Variants in ALMS1 observed in about 807,000 individuals in gnomAD.
ALMS1 encodes the protein centrosome-associated protein ALMS1.
A neutral mutation model predicts 352.2 loss-of-function variants in ALMS1; 271 were observed. That is an observed-to-expected ratio of 0.77 (90% confidence interval 0.70 to 0.85). ALMS1 has a LOEUF of 0.85. Among genes scored for constraint, ALMS1 ranks in the 40% least tolerant of loss-of-function variants. ALMS1 has a pLI of 0.00. For synonymous variants in ALMS1, 1,865 were observed against 1,761.2 expected (o/e 1.06, Z -1.48); for missense variants, 5,445 against 4,870.7 (o/e 1.12, Z -3.51).
At chr2:73,399,345 T>G (rs1396223294) in intron 1 of ALMS1, among the ~76,000 whole-genome samples, 1 of 152,054 alleles carries the variant, frequency 6.6e-6, no homozygotes, top group Non-Finnish European at 1.5e-5. Context: ...TGAGGCTGGG[T>G]AAGTTACAAT....
intron 1 of ALMS1, 114 bp downstream of exon 1, chr2:73,386,306 C>G (rs1318006410): frequency 7.3e-7 from 1 of 1,376,178 alleles, no homozygotes; most frequent in Non-Finnish European, 9.5e-7. Flanking sequence ...ACGCGCGCAG[C>G]TGAGGCTAGT....
intron 4 of ALMS1, among the ~76,000 whole-genome samples, chr2:73,423,221 A>G (rs995936506): frequency 2.6e-5 from 4 of 152,200 alleles, no homozygotes; most frequent in Non-Finnish European, 5.9e-5. Context: ...CAGGCATTTC[A>G]GGCATATTTT....
intron 4 of ALMS1, among the ~76,000 whole-genome samples, chr2:73,423,417 G>A (rs1671320319): frequency 6.6e-6 from 1 of 152,102 alleles, no homozygotes; most frequent in East Asian, 1.9e-4. Context: ...CCTTATAGGA[G>A]GTGTCAATAT....
At chr2:73,430,117 C>G (rs894472737) in intron 6 of ALMS1, among the ~76,000 whole-genome samples, 1 of 149,308 alleles carries the variant, frequency 6.7e-6, no homozygotes, top group African/African-American at 2.5e-5. Flanking sequence ...CCCACTGTTG[C>G]CCAGGCTGGA....
At chr2:73,602,539 C>T (rs1573055891) in intron 20 of ALMS1, among the ~76,000 whole-genome samples, 171 bp downstream of exon 20, 1 of 152,304 alleles carries the variant, frequency 6.6e-6, no homozygotes, top group Middle Eastern at 3.4e-3. Context: ...CCAACTTAGC[C>T]GTCAGCACAT....
Position 73,451,785 on chromosome 2 carries a change from C to T in ALMS1, c.5258C>T (p.Thr1753Ile), listed in dbSNP as rs954287768. 6.2e-7 allele frequency: 1 copy of T among 1,613,626 alleles called. No individual in the cohort carries two copies. Among genetic ancestry groups the T allele is most frequent in the African/African-American group, 1.3e-5 (1 of 74,768 alleles). The change falls in exon 8 of 23, where the codon ACT (threonine) becomes ATT (isoleucine). Residue 1753 changes from threonine to isoleucine, a missense_variant. By Grantham distance (89) the Thr-to-Ile change is moderately conservative. Coordinates refer to ENST00000613296, the MANE Select transcript of ALMS1 (RefSeq NM_001378454.1). ...GCTGACCAGAAGACTGGGTTATCTACTGTAACTTCCTCTTTCTATTCACAT... is the reference window on the plus strand; with the variant it reads ...GCTGACCAGAAGACTGGGTTATCTATTGTAACTTCCTCTTTCTATTCACAT... Reference protein sequence around the residue: ...QPADQKTGLSTVTSSFYSHTE... With the variant: ...QPADQKTGLSIVTSSFYSHTE...
intron 9 of ALMS1, among the ~76,000 whole-genome samples, chr2:73,484,967 C>T (rs968372505): frequency 6.6e-5 from 10 of 152,046 alleles, no homozygotes; most frequent in East Asian, 3.9e-4. Flanking sequence ...ATTCTAGTTA[C>T]ACATTCTTCT....
intron 15 of ALMS1, among the ~76,000 whole-genome samples, chr2:73,571,412 T>A (rs1674923849): frequency 6.6e-6 from 1 of 152,170 alleles, no homozygotes; most frequent in African/African-American, 2.4e-5. Flanking sequence ...ACCAGCAGAT[T>A]GGGTGTCTGG....
intron 10 of ALMS1, among the ~76,000 whole-genome samples, chr2:73,509,629 C>T (rs1183784643): frequency 6.6e-6 from 1 of 152,204 alleles, no homozygotes; most frequent in East Asian, 1.9e-4. Flanking sequence ...AAGAGATCTG[C>T]TGTTAGTCTG....
intron 1 of ALMS1, among the ~76,000 whole-genome samples, chr2:73,402,810 C>T (rs2103661361): frequency 6.6e-6 from 1 of 152,158 alleles, no homozygotes; most frequent in South Asian, 2.1e-4. Flanking sequence ...GCTGATTGGC[C>T]ATTTTTCTTT....
In ALMS1 at chr2:73,491,279, T is replaced by A; in HGVS notation, c.9320T>A (p.Val3107Glu). ...PTSKLLTSKPVAQDQESLGFL... is the reference protein window; with the variant it reads ...PTSKLLTSKPEAQDQESLGFL... ...TCCAAATTATTGACCAGTAAACCTG[T>A]AGCACAGGATCAAGAATCTTTAGGT... Residue 3107 changes from valine to glutamate, a missense_variant, in exon 10 of 23, where the codon GTA becomes GAA. Transcript: ENST00000613296. The A allele has an allele frequency of 6.2e-7, 1 of 1,614,182 alleles. No individual in the cohort carries two copies. The highest frequency in any genetic ancestry group is 1.3e-5 in the African/African-American group (1 of 75,064).
Position 73,386,099 on chromosome 2 carries a change from G to C in ALMS1, c.231G>C (p.Lys77Asn). The C allele has an allele frequency of 6.3e-7, 1 of 1,594,154 alleles. No homozygotes were observed. Among genetic ancestry groups the C allele is most frequent in the Non-Finnish European group, 8.5e-7 (1 of 1,170,994 alleles). The change falls in exon 1 of 23, where the codon AAG (lysine) becomes AAC (asparagine). Residue 77 changes from lysine to asparagine, a missense_variant. Transcript: ENST00000613296. The part of the protein sequence containing the change: ...SIDDEEDEEA[K>N]AWLQAHPGRI... ...ACGACGAGGAGGACGAGGAGGCCAA[G>C]GCCTGGCTGCAGGCGCACCCCGGCA...
chr2:73,589,023 A>T (rs900569614), intron 16 of ALMS1, among the ~76,000 whole-genome samples: 2 of 152,146 alleles, frequency 1.3e-5, no homozygotes, highest in Non-Finnish European at 2.9e-5. Flanking sequence ...ATATATATAT[A>T]CGTATACATA....
chr2:73,463,097 C>A (rs746676702), intron 9 of ALMS1, among the ~76,000 whole-genome samples: 34 of 152,172 alleles, frequency 2.2e-4, no homozygotes, highest in Non-Finnish European at 3.7e-4. Flanking sequence ...CAGCTCTGCA[C>A]CAAGCAGACC....
intron 9 of ALMS1, among the ~76,000 whole-genome samples, chr2:73,480,914 G>A (rs1672687836): frequency 6.8e-6 from 1 of 146,890 alleles, no homozygotes; most frequent in Non-Finnish European, 1.5e-5. Flanking sequence ...CCCACTTTTT[G>A]ATGGGGTTGT....
Position 73,419,697 on chromosome 2 carries a change from CT to C in ALMS1, c.646+384del, listed in dbSNP as rs201839519. On this transcript the variant is annotated intron_variant, in intron 3 of 22. Transcript: ENST00000613296. ...ACAAAAAACAAATGTTCATATTTAC[CT>C]TTTTGATTTTTAGAATTAATTAAGG... Among the ~76,000 whole-genome samples the C allele has an allele frequency of 1.2e-3, 183 of 152,240 alleles. 4 individuals are homozygous for C. The East Asian group carries it at 0.032, about 26-fold the overall frequency.
rs1165256588 is a variant in ALMS1 at position 73,452,956 on chromosome 2, A to G, written c.6429A>G (p.Ser2143=). Residue 2143 remains serine (S), a synonymous_variant, in exon 8 of 23, where the codon TCA becomes TCG. Transcript: ENST00000613296. Reference sequence around the variant, plus strand: ...CAACAGCTCTTCCTAGTTCCTTTTCACATCGAGAGAAACCAGATATTTTCT... The same window carrying G: ...CAACAGCTCTTCCTAGTTCCTTTTCGCATCGAGAGAAACCAGATATTTTCT... ...VLPTALPSSF[S]HREKPDIFYQ... 6.2e-7 allele frequency: 1 copy of G among 1,612,764 alleles called. No individual in the cohort carries two copies. Among genetic ancestry groups the G allele is most frequent in the East Asian group, 2.2e-5 (1 of 44,844 alleles).
At chr2:73,435,968 C>T (rs546015224) in intron 7 of ALMS1, among the ~76,000 whole-genome samples, 21 of 152,172 alleles carry the variant, frequency 1.4e-4, no homozygotes, top group African/African-American at 3.4e-4. Context: ...TTGTAGTTAC[C>T]GATGTAGTTA....
chr2:73,463,214 A>G (rs1430699256), intron 9 of ALMS1, among the ~76,000 whole-genome samples: 1 of 151,750 alleles, frequency 6.6e-6, no homozygotes, highest in Non-Finnish European at 1.5e-5. Context: ...GAAGTAAAGC[A>G]CTCTCAGCAA....
Sources: gnomAD v4.1 joint callset for allele counts (sites outside exome capture counted in the v4.1 genomes callset) on GRCh38, gnomAD v4.1.1 for gene constraint, MANE v1.5 for transcripts, NCBI Gene and HGNC (gene_info 2026-07-23, HGNC 2026-07-21) for gene names.